EPHA5: variants seen among roughly 807,000 people sequenced by gnomAD.
The protein encoded by EPHA5 is EPH receptor A5.
In EPHA5, 60 loss-of-function variants were observed where a neutral mutation model predicts 105.0. The ratio of observed to expected loss-of-function variants is 0.57; its 90% CI spans 0.46 to 0.71. The LOEUF (loss-of-function observed/expected upper bound fraction) is 0.71, where lower values mean the gene tolerates loss of function less well. Ranked by LOEUF, EPHA5 falls within the 30% of genes least tolerant of loss-of-function variation. The probability of loss-of-function intolerance (pLI) is 0.00; values close to 1 mark genes in which losing one functional copy is unlikely to be tolerated. For missense variants in EPHA5, 1,218 were observed against 1,274.7 expected (o/e 0.96, Z 0.68); for synonymous variants, 513 against 449.1 (o/e 1.14, Z -1.80).
At chr4:65,617,043 T>G (rs1745303406) in intron 2 of EPHA5, among the ~76,000 whole-genome samples, 1 of 152,106 alleles carries the variant, frequency 6.6e-6, no homozygotes, top group Non-Finnish European at 1.5e-5. Context: ...AAACTTGTAT[T>G]GTGGGATAAC....
At chr4:65,546,488 C>T (rs1737383952) in intron 3 of EPHA5, among the ~76,000 whole-genome samples, 1 of 151,998 alleles carries the variant, frequency 6.6e-6, no homozygotes, top group Admixed American at 6.6e-5. Context: ...TGCCTATTAA[C>T]AACCTATTTT....
At position 65,331,442 on chromosome 4, in the gene EPHA5, G is replaced by A. The variant is rs79565687; in HGVS notation, c.2945+531C>T. 3.1e-3 allele frequency: 3,208 copies of A among 1,046,330 alleles called. 67 individuals carry two copies. The African/African-American group carries it at 0.043, about 14-fold the overall frequency. The allele number at this position is 1,046,330 out of a possible 1,614,324, so 64.8% of individuals were successfully genotyped here. ...TTGTACCAAATAACAAATCAGAGGC[G>A]GGATCTGATACATCCTTAGATTGAA... On this transcript the variant is annotated intron_variant, in intron 16 of 16. Coordinates refer to ENST00000613740, the MANE Select transcript of EPHA5 (RefSeq NM_001281766.3).
chr4:65,412,284 T>C lies in EPHA5; in HGVS notation c.1687+2000A>G, dbSNP rs1028095068. On this transcript the variant is annotated intron_variant, in intron 7 of 16. Coordinates refer to ENST00000613740, the MANE Select transcript of EPHA5 (RefSeq NM_001281766.3). ...CTAAAATGCTCTTTGAAACAAATATTCCATATTTTAGAATTAAACACAGTA... is the reference window on the plus strand; with the variant it reads ...CTAAAATGCTCTTTGAAACAAATATCCCATATTTTAGAATTAAACACAGTA... Among the ~76,000 whole-genome samples the C allele has an allele frequency of 4.6e-5, 7 of 152,266 alleles. No individual in the cohort carries two copies. The South Asian group carries it at 1.4e-3, about 32-fold the overall frequency.
chr4:65,353,412 A>G (rs1048330299), intron 11 of EPHA5, among the ~76,000 whole-genome samples: 1 of 150,462 alleles, frequency 6.6e-6, no homozygotes, highest in African/African-American at 2.4e-5. Context: ...AAGAAAGAAG[A>G]TAATTCCTGA....
In EPHA5 at chr4:65,320,767, C is replaced by T. The variant is rs182434623; in HGVS notation, c.*3347G>A. The stretch of plus-strand genomic sequence containing the variant: ...GAAACTGTGTCTTCACTTTTTTACA[C>T]TGGTCAAAACTCTTTTACAAACTGA... On this transcript the variant is annotated 3_prime_UTR_variant, in exon 17 of 17. Transcript: ENST00000613740. 24 of 230,096 alleles carry T rather than the reference C, an allele frequency of 1.0e-4. No individual in the cohort carries two copies. The East Asian group carries it at 1.4e-3, about 14-fold the overall frequency. The allele number at this position is 230,096 out of a possible 1,614,324, so 14.3% of individuals were successfully genotyped here.
At chr4:65,521,626 G>T (rs1247758578) in intron 3 of EPHA5, among the ~76,000 whole-genome samples, 2 of 151,686 alleles carry the variant, frequency 1.3e-5, no homozygotes, top group Admixed American at 1.3e-4. Context: ...TTTAATTTTG[G>T]GGGGTATCCA....
At chr4:65,633,649 A>T (rs1746849242) in intron 2 of EPHA5, among the ~76,000 whole-genome samples, 1 of 151,980 alleles carries the variant, frequency 6.6e-6, no homozygotes, top group African/African-American at 2.4e-5. Flanking sequence ...AGACCTATAT[A>T]TCCCTCTATA....
rs1030303877 is a variant in EPHA5, at chr4:65,641,971, C to T, written c.246+1392G>A. On this transcript the variant is annotated intron_variant, in intron 2 of 16. Coordinates refer to ENST00000613740, the MANE Select transcript of EPHA5 (RefSeq NM_001281766.3). ...ATCATGTATAAAATTGAGTAATTGT[C>T]TTCAAATGTATAGTTGCAACAGCAA... Among the ~76,000 whole-genome samples, 5 of 152,068 alleles carry T rather than the reference C, an allele frequency of 3.3e-5. No homozygotes were observed. In the East Asian group the frequency reaches 5.8e-4, roughly 18 times the overall value.
intron 5 of EPHA5, among the ~76,000 whole-genome samples, chr4:65,446,589 A>G (rs1726553971): frequency 6.6e-6 from 1 of 152,230 alleles, no homozygotes; most frequent in Non-Finnish European, 1.5e-5. Flanking sequence ...GACCTGAAGA[A>G]TCAGGCAAGT....
chr4:65,581,093 T>G (rs1741574672), intron 3 of EPHA5, among the ~76,000 whole-genome samples: 1 of 151,738 alleles, frequency 6.6e-6, no homozygotes, highest in Admixed American at 6.6e-5. Context: ...ACCAACCAAT[T>G]AGCCTTTATC....
chr4:65,516,190 A>G (rs1026746645), intron 3 of EPHA5, among the ~76,000 whole-genome samples: 1 of 152,172 alleles, frequency 6.6e-6, no homozygotes, highest in African/African-American at 2.4e-5. Context: ...CCAAAACTTA[A>G]CTACTAACAG....
intron 16 of EPHA5, chr4:65,330,557 G>A (rs7686949): frequency 0.25 from 107,775 of 423,238 alleles, 16,158 homozygotes; most frequent in East Asian, 0.41. Flanking sequence ...AAGAGACATT[G>A]TTTAATGCAA....
At chr4:65,324,342 TAC>T in intron 16 of EPHA5, 123 bp from the exon 17 acceptor site, 1 of 591,838 alleles carries the variant, frequency 1.7e-6, no homozygotes, top group Non-Finnish European at 3.0e-6. Flanking sequence ...AATTTAGACA[TAC>T]AGAGTCTAGT....
At chr4:65,443,954 C>A (rs573382175) in intron 5 of EPHA5, among the ~76,000 whole-genome samples, 3 of 151,686 alleles carry the variant, frequency 2.0e-5, no homozygotes, top group South Asian at 2.1e-4. Context: ...CGCGCACATG[C>A]GCACTGGGGG....
intron 3 of EPHA5, among the ~76,000 whole-genome samples, chr4:65,529,687 A>G (rs1735578044): frequency 5.9e-5 from 9 of 152,152 alleles, no homozygotes. Context: ...CCTGAATCAC[A>G]TAAGTGTGCT....
intron 4 of EPHA5, among the ~76,000 whole-genome samples, chr4:65,490,955 T>C (rs1731345294): frequency 1.3e-5 from 2 of 152,180 alleles, no homozygotes; most frequent in South Asian, 4.1e-4. Flanking sequence ...TTGCTTCATG[T>C]ATATGTAAAC....
At chr4:65,529,610 A>T (rs1560653564) in intron 3 of EPHA5, among the ~76,000 whole-genome samples, 1 of 152,148 alleles carries the variant, frequency 6.6e-6, no homozygotes, top group African/African-American at 2.4e-5. Context: ...TTCATTGTGC[A>T]TATGTTAGAT....
chr4:65,369,965 T>TCAA (rs1030368594), intron 8 of EPHA5, among the ~76,000 whole-genome samples: 23 of 152,138 alleles, frequency 1.5e-4, no homozygotes, highest in East Asian at 5.8e-4. Flanking sequence ...AGACTCCATC[T>TCAA]CAACAACAAC....
rs1294830221 is a variant in EPHA5 at position 65,367,344 on chromosome 4, A to G, written c.1861+13T>C. 1.2e-6 allele frequency: 2 copies of G among 1,605,232 alleles called. No individual in the cohort carries two copies. The highest frequency in any genetic ancestry group is 2.2e-5 in the East Asian group (1 of 44,710). ...CTATTTTATTCTATTTTTATTTTTT[A>G]CAATTTGCTTACTGTGCCCATTATG... is the stretch of plus-strand genomic sequence containing the variant. On this transcript the variant is annotated intron_variant, in intron 9 of 16. Coordinates refer to ENST00000613740, the MANE Select transcript of EPHA5 (RefSeq NM_001281766.3).
Sources: gnomAD v4.1 joint callset for allele counts (sites outside exome capture counted in the v4.1 genomes callset) on GRCh38, gnomAD v4.1.1 for gene constraint, MANE v1.5 for transcripts, NCBI Gene and HGNC (gene_info 2026-07-23, HGNC 2026-07-21) for gene names.